The following PHACTR3 variants were observed in gnomAD, a reference collection of about 807,000 sequenced individuals.
The protein encoded by PHACTR3 is phosphatase and actin regulator 3, also known as protein phosphatase 1, regulatory subunit 123.
A neutral mutation model predicts 66.8 loss-of-function variants in PHACTR3; 16 were observed. That is an observed-to-expected ratio of 0.24 (90% CI 0.16 to 0.36). PHACTR3 has a LOEUF of 0.36. PHACTR3 is among the 10% of genes least tolerant of loss of function. The pLI, the probability that PHACTR3 is intolerant of heterozygous loss-of-function variation, is 1.00. For missense variants in PHACTR3, 647 were observed against 719.9 expected (o/e 0.90, Z 1.16); for synonymous variants, 323 against 292.1 (o/e 1.11, Z -1.08).
intron 1 of PHACTR3, among the ~76,000 whole-genome samples, chr20:59,587,324 C>T (rs2033061303): frequency 6.6e-6 from 1 of 152,198 alleles, no homozygotes; most frequent in Non-Finnish European, 1.5e-5. Context: ...GGAGAAGGAC[C>T]CTTGGGGCCA....
intron 1 of PHACTR3, among the ~76,000 whole-genome samples, chr20:59,729,595 T>C (rs1601206956): frequency 6.6e-6 from 1 of 152,144 alleles, no homozygotes; most frequent in Admixed American, 6.5e-5. Context: ...TCAACAGCCA[T>C]GGGTGACCTT....
At chr20:59,831,172 C>A (rs1182354101) in intron 8 of PHACTR3, among the ~76,000 whole-genome samples, 2 of 152,192 alleles carry the variant, frequency 1.3e-5, no homozygotes, top group African/African-American at 4.8e-5. Flanking sequence ...CTGGTGCCCC[C>A]TTGGCCCCCA....
At chr20:59,810,039 G>A (rs1167005169) in intron 8 of PHACTR3, among the ~76,000 whole-genome samples, 1 of 152,132 alleles carries the variant, frequency 6.6e-6, no homozygotes, top group Non-Finnish European at 1.5e-5. Flanking sequence ...CTATTTGATA[G>A]TCAAACCAAG....
chr20:59,687,241 G>C (rs1023861191), intron 1 of PHACTR3, among the ~76,000 whole-genome samples: 7 of 151,028 alleles, frequency 4.6e-5, no homozygotes, highest in African/African-American at 9.8e-5. Flanking sequence ...GATTGTGATG[G>C]TGGTGGTGAT....
intron 1 of PHACTR3, among the ~76,000 whole-genome samples, chr20:59,707,105 G>A (rs1407184519): frequency 6.6e-6 from 1 of 152,244 alleles, no homozygotes; most frequent in Non-Finnish European, 1.5e-5. Flanking sequence ...GAAAAGCTAA[G>A]GGCATCAGGC....
chr20:59,727,322 T>C (rs1292082223), intron 1 of PHACTR3, among the ~76,000 whole-genome samples: 1 of 152,100 alleles, frequency 6.6e-6, no homozygotes, highest in Non-Finnish European at 1.5e-5. Context: ...TAGACTATAC[T>C]TGATGTGTCC....
chr20:59,742,825 A>T (rs2039215972), intron 1 of PHACTR3, among the ~76,000 whole-genome samples: 1 of 152,136 alleles, frequency 6.6e-6, no homozygotes, highest in Non-Finnish European at 1.5e-5. Flanking sequence ...TTCATGCTGG[A>T]ATTAGGAACA....
At chr20:59,711,145 T>A (rs1055615238) in intron 1 of PHACTR3, among the ~76,000 whole-genome samples, 3 of 152,194 alleles carry the variant, frequency 2.0e-5, no homozygotes, top group Non-Finnish European at 1.5e-5. Context: ...TTTTTTGGTA[T>A]CATTAAATGT....
intron 1 of PHACTR3, among the ~76,000 whole-genome samples, chr20:59,673,023 T>TA (rs2036247072): frequency 6.6e-6 from 1 of 152,172 alleles, no homozygotes; most frequent in African/African-American, 2.4e-5. Context: ...ATGTGTCTGT[T>TA]ACGGTGAGCT....
chr20:59,806,018 C>G (rs1359177834), intron 7 of PHACTR3, 23 bp from the exon 8 acceptor site: 1 of 1,608,338 alleles, frequency 6.2e-7, no homozygotes, highest in Non-Finnish European at 8.5e-7. Context: ...CTTCTCTCCT[C>G]TTGCCCTGGA....
chr20:59,598,067 A>G (rs1239505126), intron 1 of PHACTR3, among the ~76,000 whole-genome samples: 2 of 152,256 alleles, frequency 1.3e-5, no homozygotes, highest in Non-Finnish European at 1.5e-5. Flanking sequence ...TGTGCTGACA[A>G]CATACAAGAT....
At chr20:59,739,406 G>A (rs2039071532) in intron 1 of PHACTR3, among the ~76,000 whole-genome samples, 1 of 152,158 alleles carries the variant, frequency 6.6e-6, no homozygotes, top group Non-Finnish European at 1.5e-5. Context: ...GCCCAAGACT[G>A]CATGATTTAT....
chr20:59,595,187 G>A (rs1044036279), intron 1 of PHACTR3, among the ~76,000 whole-genome samples: 1 of 152,150 alleles, frequency 6.6e-6, no homozygotes, highest in Non-Finnish European at 1.5e-5. Flanking sequence ...AATGTGCCGG[G>A]CGTGGTGGCT....
chr20:59,588,731 C>G (rs1385658333), intron 1 of PHACTR3, among the ~76,000 whole-genome samples: 2 of 152,134 alleles, frequency 1.3e-5, no homozygotes, highest in East Asian at 3.9e-4. Flanking sequence ...CGCTCCCTGG[C>G]CTCCATGCCT....
At chr20:59,773,580 C>G (rs1049707246) in intron 6 of PHACTR3, 127 bp downstream of exon 6, 2 of 1,013,524 alleles carry the variant, frequency 2.0e-6, no homozygotes, top group African/African-American at 3.3e-5. Context: ...ACTTTCTGAA[C>G]AAGGAAGTCA....
intron 1 of PHACTR3, among the ~76,000 whole-genome samples, chr20:59,688,823 C>T (rs2036994174): frequency 6.6e-6 from 1 of 152,020 alleles, no homozygotes; most frequent in African/African-American, 2.4e-5. Context: ...GGGGCCACTC[C>T]ATTGTTAGAG....
intron 1 of PHACTR3, among the ~76,000 whole-genome samples, chr20:59,664,722 G>A (rs140520029): frequency 5.9e-5 from 9 of 152,344 alleles, no homozygotes; most frequent in African/African-American, 1.9e-4. Flanking sequence ...GTATCTCAGT[G>A]TGGCAAAGTT....
chr20:59,628,536 ATT>A (rs1409415970), intron 1 of PHACTR3: 3 of 815,708 alleles, frequency 3.7e-6, no homozygotes, highest in Non-Finnish European at 4.4e-6. Context: ...ACGTGCAGGC[ATT>A]TCTGGCTCCT....
chr20:59,665,545 T>A (rs1354064620), intron 1 of PHACTR3, among the ~76,000 whole-genome samples: 2 of 152,140 alleles, frequency 1.3e-5, no homozygotes, highest in East Asian at 3.9e-4. Flanking sequence ...AGCTATCTAC[T>A]TGGGGGCAGA....
Sources: gnomAD v4.1 joint callset for allele counts (sites outside exome capture counted in the v4.1 genomes callset) on GRCh38, gnomAD v4.1.1 for gene constraint, MANE v1.5 for transcripts, NCBI Gene and HGNC (gene_info 2026-07-23, HGNC 2026-07-21) for gene names.